Variants in BANK1 observed in about 807,000 individuals in gnomAD.
BANK1 encodes B cell scaffold protein with ankyrin repeats 1, also known as B-cell scaffold protein with ankyrin repeats.
A neutral mutation model predicts 94.5 loss-of-function variants in BANK1; 95 were observed. The ratio of observed to expected loss-of-function variants is 1.00; its 90% CI spans 0.85 to 1.19. The LOEUF (loss-of-function observed/expected upper bound fraction) is 1.19. BANK1 is among the 50% of genes most tolerant of loss of function. The probability of loss-of-function intolerance (pLI) is 0.00; values close to 1 mark genes in which losing one functional copy is unlikely to be tolerated. For synonymous variants in BANK1, 334 were observed against 308.4 expected (o/e 1.08, Z -0.87); for missense variants, 987 against 932.2 (o/e 1.06, Z -0.77).
intron 5 of BANK1, among the ~76,000 whole-genome samples, chr4:101,875,561 G>T (rs948643857): frequency 2.0e-5 from 3 of 151,954 alleles, no homozygotes; most frequent in African/African-American, 7.3e-5. Flanking sequence ...CACTATCATG[G>T]GAACAGCATG....
chr4:102,007,149 T>A (rs1475405068), intron 7 of BANK1, among the ~76,000 whole-genome samples: 1 of 11,168 alleles, frequency 9.0e-5, no homozygotes, highest in African/African-American at 8.8e-4. Context: ...ATATATTTTA[T>A]ATATATATAT....
chr4:101,829,943 A>C lies in BANK1; in HGVS notation c.206A>C (p.His69Pro). Residue 69 changes from histidine to proline, a missense_variant, in exon 2 of 17, where the codon CAT (histidine) becomes CCT (proline). His to Pro is a moderately conservative substitution (Grantham distance 77). Coordinates refer to ENST00000322953, the MANE Select transcript of BANK1 (RefSeq NM_017935.5). ...LYRLENFSFR[H>P]LELLNLTSYK... is the part of the protein sequence containing the mutation. The stretch of plus-strand genomic sequence containing the variant: ...CGCTTGGAGAATTTCTCTTTTCGGC[A>C]TTTGGAGTTGCTGAACTTAACGTCT... The C allele has an allele frequency of 6.2e-7, 1 of 1,613,954 alleles. No homozygotes were observed. Among genetic ancestry groups the C allele is most frequent in the Non-Finnish European group, 8.5e-7 (1 of 1,179,924 alleles).
At chr4:101,858,316 AC>A (rs1727755111) in intron 3 of BANK1, among the ~76,000 whole-genome samples, 1 of 152,200 alleles carries the variant, frequency 6.6e-6, no homozygotes, top group African/African-American at 2.4e-5. Flanking sequence ...CCTGTAATGC[AC>A]ACAACAGCTC....
At chr4:101,992,957 C>T (rs1281898419) in intron 7 of BANK1, among the ~76,000 whole-genome samples, 1 of 152,178 alleles carries the variant, frequency 6.6e-6, no homozygotes, top group Non-Finnish European at 1.5e-5. Flanking sequence ...AAAATTTAGA[C>T]AGTCTCAGGT....
intron 5 of BANK1, among the ~76,000 whole-genome samples, chr4:101,884,354 A>AT (rs1274402592): frequency 1.3e-4 from 19 of 151,330 alleles, no homozygotes; most frequent in African/African-American, 2.2e-4. Flanking sequence ...TCCTGATTCA[A>AT]TTTTTTTTTG....
intron 7 of BANK1, among the ~76,000 whole-genome samples, chr4:101,958,790 A>G (rs1236693974): frequency 6.6e-6 from 1 of 152,230 alleles, no homozygotes; most frequent in African/African-American, 2.4e-5. Flanking sequence ...TGATGCAGCA[A>G]GTGCTGCTTT....
In BANK1 at chr4:101,907,139, T is replaced by A. The variant is rs190376194; in HGVS notation, c.1010-10854T>A. On this transcript the variant is annotated intron_variant, in intron 6 of 16. Coordinates refer to ENST00000322953, the MANE Select transcript of BANK1 (RefSeq NM_017935.5). ...GTTAACTGCAGCAGGAACATGTCCT[T>A]AAGGCACAGATCACTCATGCTATTG... 7.5e-4 allele frequency among the ~76,000 whole-genome samples: 114 copies of A among 152,326 alleles called. No homozygotes were observed. The Middle Eastern group carries it at 0.01, about 14-fold the overall frequency.
At position 101,865,609 on chromosome 4, in the gene BANK1, C is replaced by A. The variant is rs186843653; in HGVS notation, c.763+2945C>A. Among the ~76,000 whole-genome samples, 159 of 152,226 alleles carry A rather than the reference C, an allele frequency of 1.0e-3. 3 individuals carry two copies. The highest frequency in any genetic ancestry group is 3.3e-3 in the South Asian group (16 of 4,816). The stretch of plus-strand genomic sequence containing the variant: ...TCTCACTGTGGCTCCCTCTGGCCTT[C>A]CTGTCTCACTTAAAGGGGATTAGGG... On this transcript the variant is annotated intron_variant, in intron 4 of 16. Coordinates refer to ENST00000322953, the MANE Select transcript of BANK1 (RefSeq NM_017935.5).
At chr4:101,895,802 A>G (rs1722053649) in intron 6 of BANK1, among the ~76,000 whole-genome samples, 1 of 151,938 alleles carries the variant, frequency 6.6e-6, no homozygotes, top group South Asian at 2.1e-4. Context: ...CGTGACCACC[A>G]GAAATTAATA....
chr4:102,058,709 A>C (rs1179860904), intron 11 of BANK1, among the ~76,000 whole-genome samples: 3 of 151,886 alleles, frequency 2.0e-5, no homozygotes, highest in Non-Finnish European at 4.4e-5. Flanking sequence ...TCTTAAAAAA[A>C]AAAAAGGTAA....
At chr4:101,827,418 A>G (rs1726407989) in intron 1 of BANK1, among the ~76,000 whole-genome samples, 2 of 152,074 alleles carry the variant, frequency 1.3e-5, no homozygotes, top group East Asian at 1.9e-4. Flanking sequence ...TTTTAAATTA[A>G]TGTTTCAAAT....
chr4:102,047,208 G>T (rs1014791959), intron 11 of BANK1, among the ~76,000 whole-genome samples: 1 of 152,108 alleles, frequency 6.6e-6, no homozygotes, highest in South Asian at 2.1e-4. Context: ...TTAAATGAGT[G>T]ATCCTCACCC....
At chr4:101,908,861 C>T (rs1722559617) in intron 6 of BANK1, among the ~76,000 whole-genome samples, 1 of 152,160 alleles carries the variant, frequency 6.6e-6, no homozygotes, top group Non-Finnish European at 1.5e-5. Context: ...AATAAGATAC[C>T]ATCTCACACC....
chr4:102,038,308 A>T (rs959384354), intron 10 of BANK1, among the ~76,000 whole-genome samples: 1 of 152,176 alleles, frequency 6.6e-6, no homozygotes, highest in Non-Finnish European at 1.5e-5. Flanking sequence ...ATAATCACTA[A>T]GCATGAACCA....
At chr4:101,796,099 A>G (rs1338983131) in intron 1 of BANK1, among the ~76,000 whole-genome samples, 1 of 152,242 alleles carries the variant, frequency 6.6e-6, no homozygotes, top group Non-Finnish European at 1.5e-5. Context: ...GATCCAGTAT[A>G]CAGTTTAAGA....
intron 7 of BANK1, among the ~76,000 whole-genome samples, chr4:101,950,540 T>A (rs546408127): frequency 6.6e-6 from 1 of 152,300 alleles, no homozygotes; most frequent in South Asian, 2.1e-4. Flanking sequence ...GCATGAATTT[T>A]CAAATGCTCT....
Position 101,790,926 on chromosome 4 carries a change from G to A in BANK1, c.46G>A (p.Ala16Thr). 1 of 1,529,080 alleles carries A rather than the reference G, an allele frequency of 6.5e-7. No homozygotes were observed. Among genetic ancestry groups the A allele is most frequent in the Non-Finnish European group, 8.7e-7 (1 of 1,143,636 alleles). The allele number at this position is 1,529,080 out of a possible 1,614,324, so 94.7% of individuals were successfully genotyped here. The change falls in exon 1 of 17, where the codon GCC becomes ACC. Residue 16 changes from alanine (A) to threonine (T), a missense_variant. Ala to Thr is a moderately conservative substitution (Grantham distance 58). Transcript: ENST00000322953. ...CAAGGGGCTTGGGAGCCCGGACCCC[G>A]CCCCCTGCGGCCCAGCGCCCCCAGG... ...PGKGLGSPDP[A>T]PCGPAPPGNT...
At chr4:101,966,177 C>T (rs1724748633) in intron 7 of BANK1, among the ~76,000 whole-genome samples, 1 of 152,048 alleles carries the variant, frequency 6.6e-6, no homozygotes, top group Non-Finnish European at 1.5e-5. Context: ...GTAACCATTT[C>T]CTTAATGGCT....
At chr4:101,881,903 A>T (rs1479986369) in intron 5 of BANK1, among the ~76,000 whole-genome samples, 1 of 144,966 alleles carries the variant, frequency 6.9e-6, no homozygotes, top group East Asian at 2.3e-4. Context: ...GAGTAGAAGG[A>T]TGGTTACCAG....
Sources: gnomAD v4.1 joint callset for allele counts (sites outside exome capture counted in the v4.1 genomes callset) on GRCh38, gnomAD v4.1.1 for gene constraint, MANE v1.5 for transcripts, NCBI Gene and HGNC (gene_info 2026-07-23, HGNC 2026-07-21) for gene names.